ERBB4: variants seen among roughly 807,000 people sequenced by gnomAD.
ERBB4 encodes erb-b2 receptor tyrosine kinase 4, also known as receptor tyrosine-protein kinase erbB-4.
A neutral mutation model predicts 158.0 loss-of-function variants in ERBB4; 42 were observed. The ratio of observed to expected loss-of-function variants is 0.27; its 90% CI spans 0.21 to 0.34. ERBB4 has a LOEUF of 0.34. Among genes scored for constraint, ERBB4 ranks in the 10% least tolerant of loss-of-function variants. ERBB4 has a pLI of 1.00. For missense variants in ERBB4, 1,333 were observed against 1,624.1 expected, an observed-to-expected ratio of 0.82 and a Z score of 3.08; for synonymous variants, 583 against 558.7, an observed-to-expected ratio of 1.04 and a Z score of -0.61.
intron 1 of ERBB4, among the ~76,000 whole-genome samples, chr2:212,419,556 T>C (rs2091743758): frequency 6.6e-6 from 1 of 151,906 alleles, no homozygotes; most frequent in Non-Finnish European, 1.5e-5. Flanking sequence ...TATAAATGTA[T>C]ATGCATATAT....
intron 1 of ERBB4, among the ~76,000 whole-genome samples, chr2:212,440,267 G>C (rs2092225656): frequency 6.6e-6 from 1 of 152,132 alleles, no homozygotes; most frequent in Non-Finnish European, 1.5e-5. Context: ...TAATCTGGTG[G>C]GAACAATCTA....
intron 1 of ERBB4, among the ~76,000 whole-genome samples, chr2:212,260,832 G>C (rs1285247812): frequency 6.6e-6 from 1 of 151,676 alleles, no homozygotes; most frequent in Non-Finnish European, 1.5e-5. Flanking sequence ...AAAAAAAAAA[G>C]TAGGCACTCT....
intron 1 of ERBB4, among the ~76,000 whole-genome samples, chr2:212,536,981 G>A (rs1413270088): frequency 6.6e-6 from 1 of 152,122 alleles, no homozygotes; most frequent in African/African-American, 2.4e-5. Context: ...GTGTGATTCC[G>A]GAGGTGGCTG....
intron 1 of ERBB4, among the ~76,000 whole-genome samples, chr2:212,314,419 G>C (rs868648517): frequency 3.5e-4 from 53 of 149,596 alleles, no homozygotes; most frequent in African/African-American, 1.2e-3. Context: ...ATCAAAGTCT[G>C]TGGTATTACA....
At chr2:212,325,606 T>C (rs576044955) in intron 1 of ERBB4, among the ~76,000 whole-genome samples, 3 of 150,594 alleles carry the variant, frequency 2.0e-5, no homozygotes, top group African/African-American at 7.3e-5. Context: ...TGTGGGGAAA[T>C]GCATAGGAAG....
intron 1 of ERBB4, among the ~76,000 whole-genome samples, chr2:212,397,709 T>C (rs1323533596): frequency 6.6e-6 from 1 of 152,192 alleles, no homozygotes. Context: ...TTTGACTAAA[T>C]ATGAACATTT....
intron 1 of ERBB4, among the ~76,000 whole-genome samples, chr2:212,198,667 C>A (rs182828405): frequency 4.0e-5 from 6 of 150,570 alleles, no homozygotes; most frequent in Non-Finnish European, 2.9e-5. Flanking sequence ...CTCTGCCTCC[C>A]GGGTTCAAGC....
chr2:211,565,973 C>T (rs1198828593), intron 19 of ERBB4, among the ~76,000 whole-genome samples: 1 of 152,138 alleles, frequency 6.6e-6, no homozygotes, highest in African/African-American at 2.4e-5. Flanking sequence ...CCCCAGGGAA[C>T]AAGAAGAGTC....
intron 1 of ERBB4, among the ~76,000 whole-genome samples, chr2:212,210,213 CAAA>C (rs58137267): frequency 0.036 from 4,820 of 135,528 alleles, 85 homozygotes; most frequent in Admixed American, 0.05. Context: ...AATGCTAGTG[CAAA>C]AAAAAAAAAA....
intron 20 of ERBB4, among the ~76,000 whole-genome samples, chr2:211,489,953 G>A (rs2065297940): frequency 6.6e-6 from 1 of 152,006 alleles, no homozygotes. Context: ...GGCTACTATA[G>A]CTTGAATGTG....
chr2:212,316,649 G>C (rs2087293854), intron 1 of ERBB4, among the ~76,000 whole-genome samples: 1 of 151,466 alleles, frequency 6.6e-6, no homozygotes, highest in East Asian at 2.0e-4. Context: ...ATAAAATGCT[G>C]AGCGAAATTG....
chr2:211,571,054 T>TG (rs1187046946), intron 19 of ERBB4, among the ~76,000 whole-genome samples: 1 of 143,314 alleles, frequency 7.0e-6, no homozygotes, highest in Non-Finnish European at 1.5e-5. Context: ...TTTTTTTTTT[T>TG]TTTTTTTGAG....
At chr2:212,036,771 C>T (rs1408888005) in intron 2 of ERBB4, among the ~76,000 whole-genome samples, 3 of 152,044 alleles carry the variant, frequency 2.0e-5, no homozygotes, top group African/African-American at 4.8e-5. Flanking sequence ...CGGCCAAATA[C>T]ATTTTATTCT....
intron 1 of ERBB4, among the ~76,000 whole-genome samples, chr2:212,509,760 T>C (rs997342030): frequency 1.3e-5 from 2 of 152,024 alleles, no homozygotes; most frequent in Admixed American, 6.5e-5. Flanking sequence ...ATTGTTACCA[T>C]TGATATTGTT....
intron 25 of ERBB4, among the ~76,000 whole-genome samples, chr2:211,410,437 T>C (rs1461553448): frequency 6.6e-6 from 1 of 152,188 alleles, no homozygotes. Flanking sequence ...TTGACACACA[T>C]AAAGGACTAG....
intron 1 of ERBB4, among the ~76,000 whole-genome samples, chr2:212,345,368 C>T (rs2088947410): frequency 6.6e-6 from 1 of 150,576 alleles, no homozygotes; most frequent in South Asian, 2.1e-4. Flanking sequence ...ATACTTTATT[C>T]TATGGTTTTC....
At chr2:211,909,801 A>T (rs372062830) in intron 3 of ERBB4, among the ~76,000 whole-genome samples, 1 of 151,768 alleles carries the variant, frequency 6.6e-6, no homozygotes, top group Non-Finnish European at 1.5e-5. Flanking sequence ...CCATTTAAAT[A>T]CTCGATGTGA....
At chr2:212,537,998 C>T (rs1413130146) in intron 1 of ERBB4, among the ~76,000 whole-genome samples, 1 of 152,150 alleles carries the variant, frequency 6.6e-6, no homozygotes, top group Non-Finnish European at 1.5e-5. Flanking sequence ...GAGCGCCGCT[C>T]TCCACCGCCC....
chr2:211,515,911 T>C (rs1432949534), intron 20 of ERBB4, among the ~76,000 whole-genome samples: 1 of 88,580 alleles, frequency 1.1e-5, no homozygotes, highest in Non-Finnish European at 2.2e-5. Context: ...TATATATATA[T>C]ATTTTTTTTT....
Sources: gnomAD v4.1 joint callset for allele counts (sites outside exome capture counted in the v4.1 genomes callset) on GRCh38, gnomAD v4.1.1 for gene constraint, MANE v1.5 for transcripts, NCBI Gene and HGNC (gene_info 2026-07-23, HGNC 2026-07-21) for gene names.